Variants in AMN1 observed in about 807,000 individuals in gnomAD.
AMN1 encodes the protein antagonist of mitotic exit network 1 homolog, also known as protein AMN1 homolog.
A neutral mutation model predicts 33.0 loss-of-function variants in AMN1; 20 were observed. That is an observed-to-expected ratio of 0.61 (90% confidence interval 0.43 to 0.88). The LOEUF (loss-of-function observed/expected upper bound fraction) is 0.88. Ranked by LOEUF, AMN1 falls within the 40% of genes least tolerant of loss-of-function variation. The pLI is 0.00. For synonymous variants in AMN1, 114 were observed against 111.9 expected (o/e 1.02, Z -0.12); for missense variants, 246 against 307.4 (o/e 0.80, Z 1.49).
chr12:31,695,413 T>C (rs6488002), intron 5 of AMN1, among the ~76,000 whole-genome samples: 149,654 of 151,926 alleles, frequency 0.99, 73,761 homozygotes, highest in Middle Eastern at 1. Flanking sequence ...AAAATTACTG[T>C]TCCTGCATTT....
chr12:31,709,828 C>CA (rs560141004), intron 1 of AMN1, among the ~76,000 whole-genome samples: 508 of 151,418 alleles, frequency 3.4e-3, no homozygotes, highest in Non-Finnish European at 6.2e-3. Context: ...GATCCTGTCT[C>CA]AAAAAAAAGT....
At chr12:31,709,223 T>G in intron 2 of AMN1, 70 bp downstream of exon 2, 1 of 1,546,612 alleles carries the variant, frequency 6.5e-7, no homozygotes, top group South Asian at 1.2e-5. Context: ...ATACCATTGT[T>G]CCAAAAATCT....
At chr12:31,728,637 T>C (rs1038761776) in intron 1 of AMN1, among the ~76,000 whole-genome samples, 9 of 152,198 alleles carry the variant, frequency 5.9e-5, no homozygotes, top group Non-Finnish European at 1.5e-5. Flanking sequence ...TCATCTAGCG[T>C]TGTGTTTTTT....
At chr12:31,682,666 T>C (rs1271096666) in intron 6 of AMN1, among the ~76,000 whole-genome samples, 1 of 152,122 alleles carries the variant, frequency 6.6e-6, no homozygotes, top group East Asian at 1.9e-4. Flanking sequence ...TGGCTAATAA[T>C]TTGGTTATTT....
intron 6 of AMN1, among the ~76,000 whole-genome samples, chr12:31,685,800 C>CA (rs10525163): frequency 8.3e-6 from 1 of 120,982 alleles, no homozygotes; most frequent in African/African-American, 3.2e-5. Flanking sequence ...GACTCATTAT[C>CA]AAAAAAAAAA....
intron 6 of AMN1, among the ~76,000 whole-genome samples, chr12:31,679,369 A>C (rs1937893093): frequency 2.0e-5 from 3 of 152,040 alleles, no homozygotes; most frequent in Admixed American, 2.0e-4. Flanking sequence ...TCTACTAAAA[A>C]AATACAAAAA....
At chr12:31,725,861 A>G (rs1182957589) in intron 1 of AMN1, among the ~76,000 whole-genome samples, 4 of 151,958 alleles carry the variant, frequency 2.6e-5, no homozygotes. Context: ...ATGCCCAGTT[A>G]ATTTTTTTTG....
intron 1 of AMN1, among the ~76,000 whole-genome samples, chr12:31,728,658 C>T (rs1400581042): frequency 6.6e-6 from 1 of 152,170 alleles, no homozygotes; most frequent in Non-Finnish European, 1.5e-5. Context: ...TCTACCAAGG[C>T]TTTTAGCTGC....
intron 2 of AMN1, among the ~76,000 whole-genome samples, chr12:31,703,884 G>A (rs1228811781): frequency 6.6e-6 from 1 of 152,150 alleles, no homozygotes; most frequent in African/African-American, 2.4e-5. Context: ...CAAGCAGACT[G>A]CCCAACCTGG....
chr12:31,706,487 C>G (rs551319233), intron 2 of AMN1, among the ~76,000 whole-genome samples: 2 of 151,716 alleles, frequency 1.3e-5, no homozygotes, highest in African/African-American at 4.8e-5. Context: ...TGGCTGCAAA[C>G]CCAAAGACAA....
intron 5 of AMN1, among the ~76,000 whole-genome samples, chr12:31,696,961 G>A (rs1565771078): frequency 6.6e-6 from 1 of 151,832 alleles, no homozygotes; most frequent in African/African-American, 2.4e-5. Flanking sequence ...GTACAATGTG[G>A]CTATCAAGAA....
chr12:31,713,582 T>C (rs1939553882), intron 1 of AMN1, among the ~76,000 whole-genome samples: 1 of 152,246 alleles, frequency 6.6e-6, no homozygotes, highest in Non-Finnish European at 1.5e-5. Context: ...GGCTTATGTC[T>C]ATAATCCCAG....
intron 2 of AMN1, among the ~76,000 whole-genome samples, chr12:31,708,310 T>C (rs1223701155): frequency 6.6e-6 from 1 of 152,138 alleles, no homozygotes; most frequent in Non-Finnish European, 1.5e-5. Context: ...TGGGAGTGTC[T>C]GTCCTATGGG....
At chr12:31,727,216 T>C (rs1940110532) in intron 1 of AMN1, among the ~76,000 whole-genome samples, 1 of 152,226 alleles carries the variant, frequency 6.6e-6, no homozygotes. Flanking sequence ...TCCAGCTCCA[T>C]GCCACCAGAA....
chr12:31,714,116 C>A (rs1191987916), intron 1 of AMN1, among the ~76,000 whole-genome samples: 1 of 152,050 alleles, frequency 6.6e-6, no homozygotes, highest in African/African-American at 2.4e-5. Context: ...ATTATATTCT[C>A]AAAGCTGTAC....
chr12:31,720,297 T>C (rs960146201), intron 1 of AMN1, among the ~76,000 whole-genome samples: 1 of 152,176 alleles, frequency 6.6e-6, no homozygotes, highest in Admixed American at 6.5e-5. Context: ...TCCCAGTACT[T>C]TGGGAAGCTG....
intron 1 of AMN1, among the ~76,000 whole-genome samples, chr12:31,728,090 A>G (rs1325342410): frequency 2.6e-5 from 4 of 152,084 alleles, no homozygotes; most frequent in Admixed American, 2.0e-4. Flanking sequence ...CGAACTCCTG[A>G]GCTCAAGCAG....
intron 2 of AMN1, 45 bp downstream of exon 2, chr12:31,709,248 A>G: frequency 1.9e-6 from 3 of 1,598,744 alleles, no homozygotes; most frequent in Non-Finnish European, 2.6e-6. Flanking sequence ...CCATATCTAA[A>G]CAGAAAATAT....
intron 5 of AMN1, among the ~76,000 whole-genome samples, chr12:31,696,320 A>C (rs1335229577): frequency 2.0e-5 from 3 of 151,802 alleles, no homozygotes; most frequent in African/African-American, 2.4e-5. Context: ...CTATGTTGCC[A>C]GGCTGGACTC....
Sources: allele counts gnomAD v4.1 joint callset (sites outside exome capture counted in the v4.1 genomes callset), GRCh38; gene constraint gnomAD v4.1.1; transcripts MANE v1.5; gene names NCBI Gene and HGNC (gene_info 2026-07-23, HGNC 2026-07-21).